The following CARS2 variants were observed in gnomAD, a reference collection of about 807,000 sequenced individuals.
CARS2 encodes probable cysteine--tRNA ligase, mitochondrial.
CARS2 carries 52 observed loss-of-function variants against 68.8 expected under a neutral mutation model. The observed-to-expected ratio is 0.76, with a 90% CI of 0.61 to 0.95. The LOEUF is 0.95. CARS2 is among the 40% of genes least tolerant of loss of function. CARS2 has a pLI of 0.00. For missense variants in CARS2, 780 were observed against 754.2 expected (o/e 1.03, Z -0.40); for synonymous variants, 314 against 303.6 (o/e 1.03, Z -0.36).
At position 110,705,817 on chromosome 13, in the gene CARS2, G is replaced by C. The variant is rs748266525; in HGVS notation, c.224+53C>G. ...GAGCCCAGATCCCGTTCAGCCGTGGGAAGTCTCCGCCACGATCGGCCCCCG... is the reference window on the plus strand; with the variant it reads ...GAGCCCAGATCCCGTTCAGCCGTGGCAAGTCTCCGCCACGATCGGCCCCCG... On this transcript the variant is annotated intron_variant, in intron 1 of 14. Coordinates refer to ENST00000257347, the MANE Select transcript of CARS2 (RefSeq NM_024537.4). This position sits in a 1 kb window ranked among gnomAD's most constrained non-coding sequence, Gnocchi z 4.0. 1 of 1,525,586 alleles carries C rather than the reference G, an allele frequency of 6.6e-7. No homozygotes were observed. The highest frequency in any genetic ancestry group is 8.8e-7 in the Non-Finnish European group (1 of 1,137,854). The allele number at this position is 1,525,586 out of a possible 1,614,324, so 94.5% of individuals were successfully genotyped here.
upstream of CARS2, chr13:110,706,436 C>T (rs893699856): frequency 5.1e-5 from 9 of 176,850 alleles, no homozygotes; most frequent in Admixed American, 6.3e-5. Context: ...CGGTACCAGC[C>T]TGGAGCTGTG....
At chr13:110,656,265 T>C (rs73616028) in intron 9 of CARS2, among the ~76,000 whole-genome samples, 4,002 of 152,100 alleles carry the variant, frequency 0.026, 197 homozygotes, top group African/African-American at 0.091. Context: ...ATCACACTAA[T>C]GCACTACAGC....
intron 5 of CARS2, among the ~76,000 whole-genome samples, chr13:110,686,723 A>AT (rs1219360584): frequency 1.3e-5 from 2 of 150,170 alleles, no homozygotes; most frequent in Non-Finnish European, 3.0e-5. Context: ...GGCCTGGCTG[A>AT]TTTTTTGTCA....
intron 9 of CARS2, among the ~76,000 whole-genome samples, chr13:110,657,554 A>G (rs1374352262): frequency 6.6e-6 from 1 of 152,258 alleles, no homozygotes; most frequent in Non-Finnish European, 1.5e-5. Context: ...GACTGAATTG[A>G]CAATACACTA....
At chr13:110,679,622 AGAGG>A (rs2063094517) in intron 6 of CARS2, among the ~76,000 whole-genome samples, 2 of 113,336 alleles carry the variant, frequency 1.8e-5, no homozygotes, top group Non-Finnish European at 3.5e-5. Flanking sequence ...AGAGAGAGAG[AGAGG>A]GAGGGAGGGA....
upstream of CARS2, among the ~76,000 whole-genome samples, chr13:110,707,091 T>C (rs1197640977): frequency 2.0e-5 from 3 of 151,320 alleles, no homozygotes; most frequent in East Asian, 5.9e-4. Flanking sequence ...ACACACCATG[T>C]CTGCACCCCA....
intron 7 of CARS2, among the ~76,000 whole-genome samples, chr13:110,673,703 G>A (rs1285919009): frequency 6.6e-6 from 1 of 152,096 alleles, no homozygotes; most frequent in African/African-American, 2.4e-5. Context: ...AGTGTTGGAA[G>A]TTCTGGCCAG....
rs772901378 is a variant in CARS2, at chr13:110,668,072, C to T, written c.786-599G>A. Among the ~76,000 whole-genome samples, 5 of 152,170 alleles carry T rather than the reference C, an allele frequency of 3.3e-5. No individual in the cohort carries two copies. The highest frequency in any genetic ancestry group is 6.5e-5 in the Admixed American group (1 of 15,276). Reference sequence around the variant, plus strand: ...GCAGAAGCATGGCGACGCAGCAGGCCGGTGGATTTTCTTAAAATGATAGAT... The same window carrying T: ...GCAGAAGCATGGCGACGCAGCAGGCTGGTGGATTTTCTTAAAATGATAGAT... On this transcript the variant is annotated intron_variant, in intron 7 of 14. Transcript: ENST00000257347. The surrounding 1 kb of genome is among the most constrained non-coding windows in gnomAD (Gnocchi z 4.1).
At position 110,653,305 on chromosome 13, in the gene CARS2, C is replaced by T. The variant is rs566813725; in HGVS notation, c.988-2205G>A. ...ATTCCATTTCCGTCTGTCCATCTCCCGGGTGCTCCTTCCCAAATTGTGAAA... is the reference window on the plus strand; with the variant it reads ...ATTCCATTTCCGTCTGTCCATCTCCTGGGTGCTCCTTCCCAAATTGTGAAA... On this transcript the variant is annotated intron_variant, in intron 9 of 14. Transcript: ENST00000257347. The surrounding 1 kb of genome is among the most constrained non-coding windows in gnomAD (Gnocchi z 5.6). 3.2e-4 allele frequency among the ~76,000 whole-genome samples: 48 copies of T among 152,188 alleles called. No individual in the cohort carries two copies. The highest frequency in any genetic ancestry group is 5.1e-4 in the African/African-American group (21 of 41,504).
rs2062291915 is a variant in CARS2, at chr13:110,653,965, C to T, written c.988-2865G>A. On this transcript the variant is annotated intron_variant, in intron 9 of 14. Transcript: ENST00000257347. This position sits in a 1 kb window ranked among gnomAD's most constrained non-coding sequence, Gnocchi z 5.6. Reference sequence around the variant, plus strand: ...CGGCTCCCTGAGAGGCAAAATGTGGCGACGGCAGTGTAAGCTCGTGCTGGA... The same window carrying T: ...CGGCTCCCTGAGAGGCAAAATGTGGTGACGGCAGTGTAAGCTCGTGCTGGA... Among the ~76,000 whole-genome samples, 1 of 152,196 alleles carries T rather than the reference C, an allele frequency of 6.6e-6. No homozygotes were observed. The highest frequency in any genetic ancestry group is 2.4e-5 in the African/African-American group (1 of 41,442).
chr13:110,661,262 G>A (rs548995931), intron 9 of CARS2, among the ~76,000 whole-genome samples: 14 of 152,294 alleles, frequency 9.2e-5, no homozygotes, highest in Non-Finnish European at 1.6e-4. Context: ...ATCTACATTC[G>A]AAAGATCTGC....
intron 7 of CARS2, among the ~76,000 whole-genome samples, chr13:110,675,150 C>T (rs1348102893): frequency 1.3e-5 from 2 of 152,130 alleles, no homozygotes; most frequent in Admixed American, 6.5e-5. Context: ...GACAGTGTGG[C>T]GATTCCTCAG....
At chr13:110,681,544 T>C (rs1300777497) in intron 6 of CARS2, among the ~76,000 whole-genome samples, 2 of 152,212 alleles carry the variant, frequency 1.3e-5, no homozygotes, top group Non-Finnish European at 1.5e-5. Context: ...GCTGGGCAGT[T>C]TCTGACACAA....
At chr13:110,692,515 C>T (rs1372950114) in intron 3 of CARS2, among the ~76,000 whole-genome samples, 1 of 149,588 alleles carries the variant, frequency 6.7e-6, no homozygotes, top group East Asian at 1.9e-4. Context: ...TTTGATAGGG[C>T]TAGTCCCTCT....
rs1326381296 is a variant in CARS2, at chr13:110,706,065, A to C, written c.29T>G (p.Leu10Arg). The change falls in exon 1 of 15, where the codon CTG becomes CGG. Residue 10 changes from leucine (L) to arginine (R), a missense_variant. Leu to Arg is a moderately radical substitution (Grantham distance 102). Transcript: ENST00000257347. ...CGCGGCCTGGAGCAGCGGGGGGCCC[A>C]GGCCTGGGCCGCGCGTAGTCCTCAA... MLRTTRGPGLGPPLLQAALG... is the reference protein window; with the variant it reads MLRTTRGPGRGPPLLQAALG... The C allele has an allele frequency of 2.3e-6, 3 of 1,330,450 alleles. No homozygotes were observed. The highest frequency in any genetic ancestry group is 1.5e-5 in the African/African-American group (1 of 64,936). 82.4% of individuals were successfully genotyped at this position (1,330,450 alleles called of 1,614,324 possible). A position where few individuals can be genotyped will look rare whatever the true frequency, so the allele number is the denominator to read the frequency against.
At chr13:110,658,402 A>G (rs1409906918) in intron 9 of CARS2, among the ~76,000 whole-genome samples, 3 of 152,220 alleles carry the variant, frequency 2.0e-5, no homozygotes, top group Admixed American at 6.5e-5. Context: ...CAGTGAGTCC[A>G]CAGTTTTGGT....
rs140947532 is a variant in CARS2, at chr13:110,700,656, C to A, written c.393+782G>T. On this transcript the variant is annotated intron_variant, in intron 3 of 14. Transcript: ENST00000257347. ...AAAAAGCACAATAAGGTCTGCTCTG[C>A]GCAGCACACAGGGTTGTTCTGAGAC... Among the ~76,000 whole-genome samples, 883 of 152,350 alleles carry A rather than the reference C, an allele frequency of 5.8e-3. 6 individuals are homozygous for A. The highest frequency in any genetic ancestry group is 0.011 in the South Asian group (52 of 4,830).
upstream of CARS2, chr13:110,706,304 CG>C: frequency 3.1e-6 from 1 of 320,556 alleles, no homozygotes. Context: ...GAGGTTGGGG[CG>C]GGGAAGGCCC....
chr13:110,654,365 A>G (rs1216705557), intron 9 of CARS2, among the ~76,000 whole-genome samples: 4 of 152,188 alleles, frequency 2.6e-5, no homozygotes, highest in Non-Finnish European at 5.9e-5. Flanking sequence ...CACCCAGGCT[A>G]TCATAAAGGT....
Sources: gnomAD v4.1 joint callset for allele counts (sites outside exome capture counted in the v4.1 genomes callset) on GRCh38, gnomAD v4.1.1 for gene constraint, Gnocchi (gnomAD v3.1) non-coding constraint, MANE v1.5 for transcripts, NCBI Gene and HGNC (gene_info 2026-07-23, HGNC 2026-07-21) for gene names.